Variants in PLD2 observed in about 807,000 individuals in gnomAD.
PLD2 encodes choline phosphatase 2.
Under a neutral mutation model 119.8 loss-of-function variants are expected in PLD2, and 101 were observed. That is an observed-to-expected ratio of 0.84 (90% CI 0.72 to 0.99). The LOEUF (loss-of-function observed/expected upper bound fraction) is 0.99, where lower values mean the gene tolerates loss of function less well. Among genes scored for constraint, PLD2 ranks in the 50% least tolerant of loss-of-function variants. The pLI is 0.00. For missense variants in PLD2, 1,164 were observed against 1,226.8 expected (o/e 0.95, Z 0.76); for synonymous variants, 494 against 482.8 (o/e 1.02, Z -0.30).
rs776052783 is a variant in PLD2, at chr17:4,818,392, T to G, written c.2009+7T>G. On this transcript the variant is annotated splice_region_variant and intron_variant, in intron 19 of 24. Coordinates refer to ENST00000263088, the MANE Select transcript of PLD2 (RefSeq NM_002663.5). The stretch of plus-strand genomic sequence containing the variant: ...GAATCCTGAAGGCCCACAAGTAAGG[T>G]GGACTGTCAGGAAGGTGGGGACTGT... 9 of 1,613,680 alleles carry G rather than the reference T, an allele frequency of 5.6e-6. No individual in the cohort carries two copies. In the East Asian group the frequency reaches 2.0e-4, roughly 36 times the overall value.
Position 4,807,559 on chromosome 17 carries a change from G to T in PLD2, c.-1-213G>T. On this transcript the variant is annotated intron_variant, in intron 1 of 24. Coordinates refer to ENST00000263088, the MANE Select transcript of PLD2 (RefSeq NM_002663.5). The surrounding 1 kb of genome is among the most constrained non-coding windows in gnomAD (Gnocchi z 5.4). Reference sequence around the variant, plus strand: ...CGGGACGGGGCGGGGGGCGGGGGGCGGGACTGGGATTGTGGATGAAGGACT... The same window carrying T: ...CGGGACGGGGCGGGGGGCGGGGGGCTGGACTGGGATTGTGGATGAAGGACT... 2.3e-6 allele frequency: 1 copy of T among 427,072 alleles called. No homozygotes were observed. The highest frequency in any genetic ancestry group is 4.3e-6 in the Non-Finnish European group (1 of 233,240). The allele number at this position is 427,072 out of a possible 1,614,324, so 26.5% of individuals were successfully genotyped here.
chr17:4,818,946 C>G (rs1907337682), intron 21 of PLD2, 123 bp downstream of exon 21: 2 of 1,484,488 alleles, frequency 1.3e-6, no homozygotes, highest in South Asian at 2.5e-5. Flanking sequence ...CTACGCAGAC[C>G]ATAGCTGGCC....
At chr17:4,816,769 GC>G in intron 15 of PLD2, 23 bp downstream of exon 15, 1 of 1,614,158 alleles carries the variant, frequency 6.2e-7, no homozygotes, top group Non-Finnish European at 8.5e-7. Context: ...ACCCGCCAAA[GC>G]CCCAGAGAGC....
rs1906104899 is a variant in PLD2, at chr17:4,808,469, TTCTG to T, written c.383+61_383+64del. The T allele has an allele frequency of 8.2e-6, 13 of 1,577,356 alleles. No homozygotes were observed. In the East Asian group the frequency reaches 2.0e-4, roughly 24 times the overall value. ...GAGGGCAGGTGCTCCCCACCCTCCT[TTCTG>T]TCTGTCTCACCCCGGGGCCACAACC... On this transcript the variant is annotated intron_variant, in intron 4 of 24. Transcript: ENST00000263088. The surrounding 1 kb of genome is among the most constrained non-coding windows in gnomAD (Gnocchi z 4.1).
chr17:4,820,067 C>T (rs923245610), intron 23 of PLD2, among the ~76,000 whole-genome samples: 1 of 151,582 alleles, frequency 6.6e-6, no homozygotes, highest in African/African-American at 2.4e-5. Flanking sequence ...GCCTCAGCCT[C>T]CCGAGTAGCT....
chr17:4,819,660 C>T lies in PLD2; in HGVS notation c.2462+78C>T, dbSNP rs979789003. The T allele has an allele frequency of 2.9e-5, 39 of 1,352,480 alleles. No individual in the cohort carries two copies. The highest frequency in any genetic ancestry group is 4.4e-5 in the African/African-American group (3 of 68,928). The allele number at this position is 1,352,480 out of a possible 1,614,324, so 83.8% of individuals were successfully genotyped here. A position where few individuals can be genotyped will look rare whatever the true frequency, so the allele number is the denominator to read the frequency against. ...TTTTGAGCAGGACAAGAGGTAGCAC[C>T]GCATAGGTACTCCCGGAGCCAGAGG... On this transcript the variant is annotated intron_variant, in intron 23 of 24. Coordinates refer to ENST00000263088, the MANE Select transcript of PLD2 (RefSeq NM_002663.5). This position sits in a 1 kb window ranked among gnomAD's most constrained non-coding sequence, Gnocchi z 4.2.
At position 4,815,750 on chromosome 17, in the gene PLD2, C is replaced by T. The variant is rs1906903112; in HGVS notation, c.1285-14C>T. On this transcript the variant is annotated splice_polypyrimidine_tract_variant and intron_variant, in intron 13 of 24. Coordinates refer to ENST00000263088, the MANE Select transcript of PLD2 (RefSeq NM_002663.5). ...CCTAAACCCACCCTCATGAACCCTC[C>T]ATGCCTGCTCCAGGTGATGCGTCAC... is the stretch of plus-strand genomic sequence containing the variant. 6.2e-7 allele frequency: 1 copy of T among 1,613,454 alleles called. No homozygotes were observed. Among genetic ancestry groups the T allele is most frequent in the South Asian group, 1.1e-5 (1 of 90,974 alleles).
intron 17 of PLD2, 173 bp from the exon 18 acceptor site, chr17:4,817,829 G>A (rs776398818): frequency 3.8e-5 from 20 of 525,564 alleles, no homozygotes; most frequent in Admixed American, 6.4e-5. Flanking sequence ...GTGGTGGTGC[G>A]TACCTGTAGT....
intron 4 of PLD2, 51 bp from the exon 5 acceptor site, chr17:4,809,049 G>C: frequency 7.1e-7 from 1 of 1,414,906 alleles, no homozygotes; most frequent in Non-Finnish European, 1.0e-6. Context: ...TCAGGAACCA[G>C]AGCACCCAGC....
chr17:4,819,209 G>T lies in PLD2; in HGVS notation c.2299G>T (p.Val767Phe), dbSNP rs747733732. 1 of 1,614,094 alleles carries T rather than the reference G, an allele frequency of 6.2e-7. No homozygotes were observed. Among genetic ancestry groups the T allele is most frequent in the South Asian group, 1.1e-5 (1 of 91,076 alleles). Residue 767 changes from valine (V) to phenylalanine (F), a missense_variant, in exon 22 of 25, where the codon GTC becomes TTC. Physicochemically the swap from Val to Phe is conservative, Grantham distance 50 (BLOSUM62 -1). Transcript: ENST00000263088. This position sits in a 1 kb window ranked among gnomAD's most constrained non-coding sequence, Gnocchi z 4.2. ...SKVLIADDRTVIIGSANINDR... is the reference protein window; with the variant it reads ...SKVLIADDRTFIIGSANINDR... Reference sequence around the variant, plus strand: ...GGTGCTCATCGCAGATGACCGGACAGTCATCATTGGTCAGTGCCGGATCTA... The same window carrying T: ...GGTGCTCATCGCAGATGACCGGACATTCATCATTGGTCAGTGCCGGATCTA...
Position 4,817,010 on chromosome 17 carries a change from C to T in PLD2, c.1656C>T (p.Ala552=), listed in dbSNP as rs1907050924. ...DVGVVVHGLP[A]RDLARHFIQR... ...GGGTGGTCGTCCATGGCCTACCGGC[C>T]CGGGACCTTGCCCGGCACTTCATCC... is the stretch of plus-strand genomic sequence containing the variant. Residue 552 remains alanine, a synonymous_variant, in exon 16 of 25, where the codon GCC becomes GCT. Coordinates refer to ENST00000263088, the MANE Select transcript of PLD2 (RefSeq NM_002663.5). 6 of 1,613,892 alleles carry T rather than the reference C, an allele frequency of 3.7e-6. No homozygotes were observed. The highest frequency in any genetic ancestry group is 5.1e-6 in the Non-Finnish European group (6 of 1,179,934).
chr17:4,817,829 G>C (rs776398818), intron 17 of PLD2, 173 bp from the exon 18 acceptor site: 1 of 525,448 alleles, frequency 1.9e-6, no homozygotes, highest in Non-Finnish European at 3.4e-6. Flanking sequence ...GTGGTGGTGC[G>C]TACCTGTAGT....
In PLD2 at chr17:4,807,902, G is replaced by A. The variant is rs1466229314; in HGVS notation, c.109+21G>A. 1.2e-6 allele frequency: 2 copies of A among 1,609,574 alleles called. No individual in the cohort carries two copies. The highest frequency in any genetic ancestry group is 1.7e-4 in the Middle Eastern group (1 of 6,048). On this transcript the variant is annotated intron_variant, in intron 2 of 24. Transcript: ENST00000263088. The surrounding 1 kb of genome is among the most constrained non-coding windows in gnomAD (Gnocchi z 5.4). Reference sequence around the variant, plus strand: ...CCCAGGTACACAGGGAAGATGGATGGCCCTCAGGGAGGAGAGGCGTTCGGG... The same window carrying A: ...CCCAGGTACACAGGGAAGATGGATGACCCTCAGGGAGGAGAGGCGTTCGGG...
In PLD2 at chr17:4,817,046, C is replaced by T. The variant is rs778315605; in HGVS notation, c.1692C>T (p.Asn564=). ...CCCGGCACTTCATCCAGCGCTGGAACTTCACCAAGGTGTTCATTCCCTCCG... is the reference window on the plus strand; with the variant it reads ...CCCGGCACTTCATCCAGCGCTGGAATTTCACCAAGGTGTTCATTCCCTCCG... ...DLARHFIQRW[N]FTKTTKAKYK... The change falls in exon 16 of 25, where the codon AAC becomes AAT. Residue 564 remains asparagine, a synonymous_variant. Coordinates refer to ENST00000263088, the MANE Select transcript of PLD2 (RefSeq NM_002663.5). 39 of 1,613,438 alleles carry T rather than the reference C, an allele frequency of 2.4e-5. No homozygotes were observed. In the South Asian group the frequency reaches 4.0e-4, roughly 16 times the overall value.
chr17:4,814,219 T>C, intron 10 of PLD2, 199 bp from the exon 11 acceptor site: 1 of 682,568 alleles, frequency 1.5e-6, no homozygotes, highest in Non-Finnish European at 2.3e-6. Flanking sequence ...GGTTATTGTG[T>C]CTTTTTGTAA....
chr17:4,808,569 A>C lies in PLD2; in HGVS notation c.383+153A>C. ...AGTTACCAGGAAACTTTCCCTGCTC[A>C]GCTTTCCCTGTCCATGGTTCTGTGC... is the stretch of plus-strand genomic sequence containing the variant. On this transcript the variant is annotated intron_variant, in intron 4 of 24. Coordinates refer to ENST00000263088, the MANE Select transcript of PLD2 (RefSeq NM_002663.5). This position sits in a 1 kb window ranked among gnomAD's most constrained non-coding sequence, Gnocchi z 4.1. 1 of 713,936 alleles carries C rather than the reference A, an allele frequency of 1.4e-6. No homozygotes were observed. The allele number at this position is 713,936 out of a possible 1,614,324, so 44.2% of individuals were successfully genotyped here.
intron 21 of PLD2, 89 bp from the exon 22 acceptor site, chr17:4,818,995 T>C (rs1268078050): frequency 7.7e-6 from 12 of 1,560,278 alleles, no homozygotes; most frequent in Non-Finnish European, 9.6e-6. Context: ...AGACTCTATG[T>C]AGGAAGAGTT....
At chr17:4,821,635 T>G in intron 23 of PLD2, 158 bp from the exon 24 acceptor site, 1 of 533,702 alleles carries the variant, frequency 1.9e-6, no homozygotes, top group South Asian at 2.2e-5. Flanking sequence ...GCTCAAGCAA[T>G]CCACCTGCCT....
chr17:4,818,046 C>T lies in PLD2; in HGVS notation c.1860C>T (p.Asn620=), dbSNP rs1370139360. 6.2e-7 allele frequency: 1 copy of T among 1,614,114 alleles called. No homozygotes were observed. Among genetic ancestry groups the T allele is most frequent in the East Asian group, 2.2e-5 (1 of 44,880 alleles). The change falls in exon 18 of 25, where the codon AAC becomes AAT. Residue 620 remains asparagine (N), a synonymous_variant. Coordinates refer to ENST00000263088, the MANE Select transcript of PLD2 (RefSeq NM_002663.5). The part of the protein sequence containing the change: ...VDRWSAGTLE[N]SILNAYLHTI... ...GCTGGTCAGCAGGGACTCTGGAGAA[C>T]TCCATCCTCAATGCCTACCTGCACA...
Sources: gnomAD v4.1 joint callset for allele counts (sites outside exome capture counted in the v4.1 genomes callset) on GRCh38, gnomAD v4.1.1 for gene constraint, Gnocchi (gnomAD v3.1) non-coding constraint, MANE v1.5 for transcripts, NCBI Gene and HGNC (gene_info 2026-07-23, HGNC 2026-07-21) for gene names.